Variants in VRK1 observed in about 807,000 individuals in gnomAD.
VRK1 encodes the protein serine/threonine-protein kinase VRK1.
In VRK1, 33 loss-of-function variants were observed where a neutral mutation model predicts 57.1. That is an observed-to-expected ratio of 0.58 (90% CI 0.44 to 0.77). The LOEUF (loss-of-function observed/expected upper bound fraction) is 0.77. Among genes scored for constraint, VRK1 ranks in the 30% least tolerant of loss-of-function variants. The pLI, the probability that VRK1 is intolerant of heterozygous loss-of-function variation, is 0.00. For missense variants in VRK1, 413 were observed against 477.3 expected, an observed-to-expected ratio of 0.87 and a Z score of 1.25; for synonymous variants, 137 against 147.8, an observed-to-expected ratio of 0.93 and a Z score of 0.53.
intron 11 of VRK1, among the ~76,000 whole-genome samples, chr14:96,869,638 AC>A (rs1459263692): frequency 1.3e-5 from 2 of 152,212 alleles, no homozygotes; most frequent in African/African-American, 4.8e-5. Flanking sequence ...ATAGCTCCAT[AC>A]CTTTTAAGAA....
intron 1 of VRK1, among the ~76,000 whole-genome samples, chr14:96,814,721 G>T (rs1252484638): frequency 6.6e-6 from 1 of 152,072 alleles, no homozygotes; most frequent in Non-Finnish European, 1.5e-5. Flanking sequence ...ATGTATAATG[G>T]TCCTTTTATA....
At chr14:96,814,255 G>A (rs1253749461) in intron 1 of VRK1, among the ~76,000 whole-genome samples, 2 of 152,158 alleles carry the variant, frequency 1.3e-5, no homozygotes, top group Admixed American at 6.5e-5. Context: ...GCTCTTTAAA[G>A]ACTGACCTCA....
At chr14:96,818,125 A>G (rs1262682497) in intron 1 of VRK1, among the ~76,000 whole-genome samples, 1 of 152,204 alleles carries the variant, frequency 6.6e-6, no homozygotes, top group African/African-American at 2.4e-5. Context: ...GCTTCAGGGA[A>G]TGCTTCCCTT....
intron 1 of VRK1, among the ~76,000 whole-genome samples, chr14:96,805,796 A>T (rs1885849774): frequency 1.3e-5 from 2 of 152,194 alleles, no homozygotes; most frequent in South Asian, 2.1e-4. Flanking sequence ...TAATGAAAGA[A>T]GGGCAGTGTT....
intron 11 of VRK1, among the ~76,000 whole-genome samples, chr14:96,870,425 G>A (rs1218430899): frequency 6.6e-6 from 1 of 152,130 alleles, no homozygotes; most frequent in African/African-American, 2.4e-5. Flanking sequence ...GACCTTAATG[G>A]TGCATGTCAT....
At chr14:96,798,561 G>T (rs998422208) in intron 1 of VRK1, among the ~76,000 whole-genome samples, 1 of 151,944 alleles carries the variant, frequency 6.6e-6, no homozygotes, top group South Asian at 2.1e-4. Context: ...TTGTGTGTGT[G>T]TTTTTCTTTT....
intron 1 of VRK1, among the ~76,000 whole-genome samples, chr14:96,805,720 A>G (rs1885846406): frequency 6.6e-6 from 1 of 152,244 alleles, no homozygotes; most frequent in African/African-American, 2.4e-5. Context: ...TCCATTAAGA[A>G]AAAAATCAGT....
At position 96,814,644 on chromosome 14, in the gene VRK1, C is replaced by T. The variant is rs188630443; in HGVS notation, c.-6+17197C>T. On this transcript the variant is annotated intron_variant, in intron 1 of 12. Coordinates refer to ENST00000216639, the MANE Select transcript of VRK1 (RefSeq NM_003384.3). ...CTCCTAGTAATGTGCTATATGTACA[C>T]GCGTGGGGATACATTGTTGCACAGC... 7.2e-4 allele frequency among the ~76,000 whole-genome samples: 110 copies of T among 152,218 alleles called. 1 individual carries two copies. The highest frequency in any genetic ancestry group is 2.5e-3 in the African/African-American group (103 of 41,542).
At chr14:96,879,947 T>TA (rs772571861) in intron 12 of VRK1, among the ~76,000 whole-genome samples, 20 of 151,310 alleles carry the variant, frequency 1.3e-4, no homozygotes, top group Non-Finnish European at 2.7e-4. Flanking sequence ...ATAATAATAA[T>TA]AAAAATAAAA....
At chr14:96,797,534 T>A (rs1417332851) in intron 1 of VRK1, 87 bp downstream of exon 1, 1 of 151,812 alleles carries the variant, frequency 6.6e-6, no homozygotes, top group Non-Finnish European at 1.5e-5. Flanking sequence ...GGGCCGGCAC[T>A]GGGCCTTCCG....
chr14:96,834,624 G>A (rs903329605), intron 2 of VRK1, among the ~76,000 whole-genome samples: 3 of 152,178 alleles, frequency 2.0e-5, no homozygotes, highest in African/African-American at 7.2e-5. Flanking sequence ...GCAGTTTCTG[G>A]AGCTATCTTT....
intron 12 of VRK1, among the ~76,000 whole-genome samples, chr14:96,878,473 A>G (rs1361840738): frequency 1.3e-5 from 2 of 152,220 alleles, no homozygotes; most frequent in African/African-American, 4.8e-5. Flanking sequence ...TATGATTTAC[A>G]GTATGGTAAG....
At position 96,855,353 on chromosome 14, in the gene VRK1, G is replaced by T. The variant is rs771364038; in HGVS notation, c.706G>T (p.Val236Leu). ...CACGAGCATCGATGCACACAATGGC[G>T]TGGGTATGTCAGTAGTACTGGAGTG... ...EFTSIDAHNG[V>L]APSRRGDLEI... Residue 236 changes from valine to leucine, a missense_variant, in exon 8 of 13, where the codon GTG becomes TTG. Val to Leu is a conservative substitution (Grantham distance 32). Transcript: ENST00000216639. 1.2e-6 allele frequency: 2 copies of T among 1,613,878 alleles called. No homozygotes were observed. Among genetic ancestry groups the T allele is most frequent in the Non-Finnish European group, 8.5e-7 (1 of 1,179,890 alleles).
At position 96,843,089 on chromosome 14, in the gene VRK1, A is replaced by G. The variant is rs79999847; in HGVS notation, c.217-3006A>G. On this transcript the variant is annotated intron_variant, in intron 3 of 12. Transcript: ENST00000216639. ...AGGCACATAATAAAAATGTTCTCAC[A>G]TGTACCAAATGTTGGTCTCTGGTTT... 5.8e-3 allele frequency among the ~76,000 whole-genome samples: 889 copies of G among 152,340 alleles called. 13 individuals are homozygous for G. The highest frequency in any genetic ancestry group is 0.019 in the African/African-American group (810 of 41,572).
chr14:96,845,207 A>G (rs1402463062), intron 3 of VRK1, among the ~76,000 whole-genome samples: 1 of 8,778 alleles, frequency 1.1e-4, no homozygotes, highest in African/African-American at 1.2e-4. Flanking sequence ...CACTGCTTTA[A>G]AAACTTTTTT....
intron 1 of VRK1, among the ~76,000 whole-genome samples, chr14:96,813,091 A>G (rs995920055): frequency 6.6e-6 from 1 of 152,222 alleles, no homozygotes; most frequent in Non-Finnish European, 1.5e-5. Flanking sequence ...AGGGATACCA[A>G]GGTAAGACAG....
chr14:96,810,129 T>C (rs962501823), intron 1 of VRK1, among the ~76,000 whole-genome samples: 1 of 152,258 alleles, frequency 6.6e-6, no homozygotes, highest in African/African-American at 2.4e-5. Flanking sequence ...CCCTCTGTTA[T>C]AAAGTTCCTG....
intron 1 of VRK1, among the ~76,000 whole-genome samples, chr14:96,823,122 A>T (rs950856739): frequency 6.6e-6 from 1 of 152,022 alleles, no homozygotes; most frequent in Non-Finnish European, 1.5e-5. Context: ...TTCCCCTTCT[A>T]CCTTCTACTC....
Position 96,847,308 on chromosome 14 carries a change from A to T in VRK1, c.338A>T (p.Tyr113Phe). 1.2e-6 allele frequency: 2 copies of T among 1,613,746 alleles called. No homozygotes were observed. ...CTGAAGTACCTGGGTGTTCCTAAGT[A>T]TTGGGGGTCTGGTCTACATGACAAA... ...RKLKYLGVPK[Y>F]WGSGLHDKNG... is the part of the protein sequence containing the mutation. The change falls in exon 5 of 13, where the codon TAT becomes TTT. Residue 113 changes from tyrosine to phenylalanine, a missense_variant. This residue lies in a region of VRK1 where 151 missense variants were observed against 225.5 expected (regional missense o/e 0.67). Coordinates refer to ENST00000216639, the MANE Select transcript of VRK1 (RefSeq NM_003384.3).
Sources: gnomAD v4.1 joint callset for allele counts (sites outside exome capture counted in the v4.1 genomes callset) on GRCh38, gnomAD v4.1.1 for gene constraint, gnomAD v4.1.1 regional missense constraint, MANE v1.5 for transcripts, NCBI Gene and HGNC (gene_info 2026-07-23, HGNC 2026-07-21) for gene names.